The following MYH7B variants were observed in gnomAD, a reference collection of about 807,000 sequenced individuals.
MYH7B encodes the protein myosin heavy chain 7B, also known as myosin-7B.
MYH7B carries 205 observed loss-of-function variants against 234.5 expected under a neutral mutation model. The observed-to-expected ratio is 0.87, with a 90% CI of 0.78 to 0.98. The LOEUF (loss-of-function observed/expected upper bound fraction) is 0.98. Ranked by LOEUF, MYH7B falls within the 50% of genes least tolerant of loss-of-function variation. The pLI is 0.00. For synonymous variants in MYH7B, 1,193 were observed against 1,105.0 expected, an observed-to-expected ratio of 1.08 and a Z score of -1.58; for missense variants, 2,652 against 2,633.4, an observed-to-expected ratio of 1.01 and a Z score of -0.15.
Position 34,987,306 on chromosome 20 carries a change from G to C in MYH7B, c.1147+19G>C. 1 of 1,608,520 alleles carries C rather than the reference G, an allele frequency of 6.2e-7. No individual in the cohort carries two copies. Among genetic ancestry groups the C allele is most frequent in the East Asian group, 2.2e-5 (1 of 44,878 alleles). ...ACTGAGAGTGAGGGGCCCTAACCTG[G>C]CCTTCAACTTGACCCAGACCTCAGC... On this transcript the variant is annotated intron_variant, in intron 16 of 44. Coordinates refer to ENST00000262873, the Ensembl canonical transcript of MYH7B.
intron 2 of MYH7B, among the ~76,000 whole-genome samples, chr20:34,973,556 G>C (rs1240600736): frequency 6.6e-6 from 1 of 152,178 alleles, no homozygotes; most frequent in Non-Finnish European, 1.5e-5. Context: ...AGCCCTGGTC[G>C]ACCTCTGCCT....
At chr20:34,996,644 T>A in exon 30 of MYH7B, 1 of 1,613,006 alleles carries the variant, frequency 6.2e-7, no homozygotes, top group Non-Finnish European at 8.5e-7. Context: ...GAGAAGAAGC[T>A]GCGCATGGAC....
intron 14 of MYH7B, among the ~76,000 whole-genome samples, chr20:34,986,628 G>A (rs988749634): frequency 6.6e-6 from 1 of 152,208 alleles, no homozygotes; most frequent in African/African-American, 2.4e-5. Context: ...GAGGACTGTG[G>A]CTCATTCCTC....
In MYH7B at chr20:34,999,597, G is replaced by GA; in HGVS notation, c.4567_4568insA (p.Val1523AspfsTer24). The GA allele has an allele frequency of 6.2e-7, 1 of 1,612,830 alleles. No individual in the cohort carries two copies. The highest frequency in any genetic ancestry group is 8.5e-7 in the Non-Finnish European group (1 of 1,179,366). On this transcript the variant is annotated frameshift_variant, in exon 37 of 45. Transcript: ENST00000262873. LOFTEE classifies it high-confidence loss of function. Reference sequence around the variant, plus strand: ...GGAGATCAGCGACCTCACAGACCAGGTGAGTCTCAGTGGGAAGAGCATCCA... The same window carrying GA: ...GGAGATCAGCGACCTCACAGACCAGGATGAGTCTCAGTGGGAAGAGCATCCA...
chr20:35,000,258 A>G, intron 38 of MYH7B, 35 bp from the exon 39 acceptor site: 1 of 1,538,952 alleles, frequency 6.5e-7, no homozygotes, highest in Non-Finnish European at 8.7e-7. Context: ...GTATGCCCTT[A>G]CGAGACCCCC....
At chr20:34,997,350 C>A in exon 32 of MYH7B, 3 of 1,538,842 alleles carry the variant, frequency 1.9e-6, no homozygotes, top group Non-Finnish European at 1.7e-6. Flanking sequence ...GCTGGAGGAG[C>A]TGAGCGAGCG....
intron 27 of MYH7B, 109 bp downstream of exon 27, chr20:34,994,510 G>C (rs2082216877): frequency 8.3e-6 from 11 of 1,323,054 alleles, no homozygotes; most frequent in Non-Finnish European, 1.1e-5. Context: ...ATGTCTCTCT[G>C]TTCCAAAGAT....
exon 25 of MYH7B, chr20:34,993,216 C>T (rs1259523191): frequency 4.3e-6 from 7 of 1,613,970 alleles, no homozygotes; most frequent in Non-Finnish European, 5.9e-6. Flanking sequence ...ACCAGTTTGG[C>T]CACACCAAGG....
In MYH7B at chr20:34,991,108, GA is replaced by G; in HGVS notation, c.2171del (p.Asp724AlafsTer9). On this transcript the variant is annotated frameshift_variant, in exon 24 of 45. Coordinates refer to ENST00000262873, the Ensembl canonical transcript of MYH7B. LOFTEE classifies it high-confidence loss of function. ...GTTCCCCAACAGGTTGCTCTACACC[GA>G]CTTCCGGCAGCGGTGGGTGACCCCT... 6.2e-7 allele frequency: 1 copy of G among 1,609,500 alleles called. No homozygotes were observed. The highest frequency in any genetic ancestry group is 8.5e-7 in the Non-Finnish European group (1 of 1,177,588).
At chr20:34,994,676 A>G (rs2082220233) in intron 27 of MYH7B, among the ~76,000 whole-genome samples, 1 of 152,106 alleles carries the variant, frequency 6.6e-6, no homozygotes, top group Non-Finnish European at 1.5e-5. Flanking sequence ...CTGAAACCAA[A>G]CAGACCCATG....
chr20:34,975,601 A>T, intron 3 of MYH7B, 102 bp downstream of exon 3: 1 of 657,964 alleles, frequency 1.5e-6, no homozygotes. Flanking sequence ...GACTGAAAAC[A>T]ATCGAAATGT....
chr20:34,996,715 G>A (rs2147229886), exon 30 of MYH7B: 1 of 1,613,562 alleles, frequency 6.2e-7, no homozygotes, highest in Non-Finnish European at 8.5e-7. Flanking sequence ...GTCGGTGGCT[G>A]ATGCTGCTCA....
chr20:34,976,448 C>T (rs1049649443), intron 3 of MYH7B, among the ~76,000 whole-genome samples: 2 of 152,190 alleles, frequency 1.3e-5, no homozygotes, highest in African/African-American at 4.8e-5. Flanking sequence ...ATTCTCGATT[C>T]TAAAATCCTG....
At position 34,982,568 on chromosome 20, in the gene MYH7B, C is replaced by CG; in HGVS notation, c.624+13_624+14insG. Reference sequence around the variant, plus strand: ...GGGCAAGAAGGCCGTAAGACTTGCCCACTCGGGCATGCTCCCCGTTGCTTC... The same window carrying CG: ...GGGCAAGAAGGCCGTAAGACTTGCCCGACTCGGGCATGCTCCCCGTTGCTTC... On this transcript the variant is annotated intron_variant, in intron 10 of 44. Coordinates refer to ENST00000262873, the Ensembl canonical transcript of MYH7B. 1 of 1,573,708 alleles carries CG rather than the reference C, an allele frequency of 6.4e-7. No individual in the cohort carries two copies.
intron 2 of MYH7B, among the ~76,000 whole-genome samples, chr20:34,974,151 T>C (rs1198016162): frequency 6.6e-6 from 1 of 150,788 alleles, no homozygotes; most frequent in Non-Finnish European, 1.5e-5. Context: ...GGTCTCAAAC[T>C]CCTGACCTCA....
chr20:34,987,342 T>C, intron 16 of MYH7B, 55 bp downstream of exon 16: 1 of 1,596,962 alleles, frequency 6.3e-7, no homozygotes, highest in Non-Finnish European at 8.5e-7. Context: ...ATCCTGTCCA[T>C]GATGGTTAAC....
intron 2 of MYH7B, among the ~76,000 whole-genome samples, chr20:34,971,156 A>G (rs1441238464): frequency 2.0e-5 from 3 of 152,154 alleles, no homozygotes; most frequent in Non-Finnish European, 2.9e-5. Flanking sequence ...AGGCCTGGTC[A>G]TGGCTTGAAT....
At chr20:35,001,203 C>T (rs2082371954) in intron 41 of MYH7B, 42 bp from the exon 42 acceptor site, 4 of 1,606,184 alleles carry the variant, frequency 2.5e-6, no homozygotes, top group African/African-American at 1.3e-5. Context: ...GGGTGGGTGA[C>T]CCAGGGGTGG....
At chr20:34,987,092 G>A in intron 15 of MYH7B, 57 bp from the exon 16 acceptor site, 3 of 1,610,626 alleles carry the variant, frequency 1.9e-6, no homozygotes, top group Non-Finnish European at 2.5e-6. Flanking sequence ...GCAGTGCCTG[G>A]CTGGACCCTG....
Sources: allele counts gnomAD v4.1 joint callset (sites outside exome capture counted in the v4.1 genomes callset), GRCh38; gene constraint gnomAD v4.1.1; transcripts MANE v1.5; gene names NCBI Gene and HGNC (gene_info 2026-07-23, HGNC 2026-07-21).